STARD13: variants seen among roughly 807,000 people sequenced by gnomAD.
STARD13 encodes the protein stAR-related lipid transfer protein 13.
A neutral mutation model predicts 106.4 loss-of-function variants in STARD13; 62 were observed. The observed-to-expected ratio is 0.58, with a 90% CI of 0.48 to 0.72. STARD13 has a LOEUF of 0.72. Ranked by LOEUF, STARD13 falls within the 30% of genes least tolerant of loss-of-function variation. STARD13 has a pLI of 0.00. For synonymous variants in STARD13, 565 were observed against 553.0 expected, an observed-to-expected ratio of 1.02 and a Z score of -0.31; for missense variants, 1,387 against 1,424.0, an observed-to-expected ratio of 0.97 and a Z score of 0.42.
chr13:33,647,202 T>G, the STARD13 span, among the ~76,000 whole-genome samples: 4 of 152,216 alleles, frequency 2.6e-5, no homozygotes, highest in African/African-American at 4.8e-5. Flanking sequence ...GTGAACGGAT[T>G]TGATGTCCTT....
the STARD13 span, among the ~76,000 whole-genome samples, chr13:33,429,259 A>C: frequency 6.6e-6 from 1 of 152,186 alleles, no homozygotes; most frequent in Non-Finnish European, 1.5e-5. Context: ...AATAGCTAAA[A>C]TTTGGAAGCA....
chr13:33,427,220 T>C, the STARD13 span, among the ~76,000 whole-genome samples: 1 of 152,220 alleles, frequency 6.6e-6, no homozygotes, highest in Admixed American at 6.5e-5. Flanking sequence ...GGGTGCCTTG[T>C]CTTAATCACA....
chr13:33,429,368 G>A, the STARD13 span, among the ~76,000 whole-genome samples: 3 of 152,100 alleles, frequency 2.0e-5, no homozygotes, highest in East Asian at 1.9e-4. Flanking sequence ...AGGCCGAGGC[G>A]GGCGGATCAC....
upstream of STARD13, among the ~76,000 whole-genome samples, chr13:33,351,306 C>A (rs576722885): frequency 1.3e-5 from 2 of 151,926 alleles, no homozygotes; most frequent in Non-Finnish European, 2.9e-5. Flanking sequence ...GAAAGAAGTA[C>A]GTATTATGAA....
At chr13:33,350,245 C>A (rs914232357) in intron 1 of STARD13, 101 of 1,500,434 alleles carry the variant, frequency 6.7e-5, no homozygotes, top group Non-Finnish European at 8.0e-5. Flanking sequence ...ACGGGGCCGG[C>A]GCCTCCCCCG....
the STARD13 span, among the ~76,000 whole-genome samples, chr13:33,415,090 C>T: frequency 6.6e-5 from 10 of 152,256 alleles, no homozygotes; most frequent in Non-Finnish European, 1.2e-4. Context: ...TACCTGTCGC[C>T]GGGCATGGTG....
chr13:33,288,086 CG>C (rs1202696054), upstream of STARD13, among the ~76,000 whole-genome samples: 7 of 151,644 alleles, frequency 4.6e-5, no homozygotes, highest in Non-Finnish European at 1.0e-4. Flanking sequence ...TGTGTCAAGG[CG>C]AGGTTACTAG....
chr13:33,158,367 ACTAT>A (rs1243374527), intron 3 of STARD13, among the ~76,000 whole-genome samples: 6 of 152,218 alleles, frequency 3.9e-5, no homozygotes, highest in Admixed American at 3.9e-4. Flanking sequence ...TAGGGCATTC[ACTAT>A]CTATCTACTC....
At position 33,129,609 on chromosome 13, in the gene STARD13, G is replaced by A. The variant is rs747224026; in HGVS notation, c.1068C>T (p.Ala356=). The part of the protein sequence containing the change: ...PCLKERKCHE[A]NKRGGMYLED... The stretch of plus-strand genomic sequence containing the variant: ...CCAAGTACATGCCCCCGCGCTTGTT[G>A]GCCTCGTGGCACTTGCGTTCCTTCA... Residue 356 remains alanine (A), a synonymous_variant, in exon 5 of 14, where the codon GCC becomes GCT. Coordinates refer to ENST00000336934, the MANE Select transcript of STARD13 (RefSeq NM_178006.4). 9.3e-6 allele frequency: 15 copies of A among 1,613,850 alleles called. No homozygotes were observed. In the African/African-American group the frequency reaches 1.2e-4, roughly 13 times the overall value.
intron 1 of STARD13, among the ~76,000 whole-genome samples, chr13:33,270,637 C>G (rs934933483): frequency 6.6e-6 from 1 of 152,196 alleles, no homozygotes; most frequent in African/African-American, 2.4e-5. Flanking sequence ...GAACCCAGGC[C>G]TCCCGTACCC....
At chr13:33,614,674 A>G in the STARD13 span, among the ~76,000 whole-genome samples, 2 of 152,244 alleles carry the variant, frequency 1.3e-5, no homozygotes, top group Non-Finnish European at 2.9e-5. Flanking sequence ...AGGCCAGACA[A>G]TCTGACAAGG....
the STARD13 span, among the ~76,000 whole-genome samples, chr13:33,443,888 CAAAAAAAAAAA>C: frequency 2.0e-5 from 1 of 50,188 alleles, no homozygotes; most frequent in African/African-American, 6.2e-5. Context: ...GACTCAGTCT[CAAAAAAAAAAA>C]AAAAAAAAAA....
the STARD13 span, among the ~76,000 whole-genome samples, chr13:33,583,759 A>G: frequency 6.6e-6 from 1 of 152,344 alleles, no homozygotes; most frequent in East Asian, 1.9e-4. Flanking sequence ...GTACCCAAAC[A>G]GAAAGAATCT....
At chr13:33,466,582 C>A in the STARD13 span, among the ~76,000 whole-genome samples, 8 of 152,218 alleles carry the variant, frequency 5.3e-5, no homozygotes, top group Non-Finnish European at 1.2e-4. Context: ...GACTTACATC[C>A]TCAATATTAC....
chr13:33,420,140 T>A, the STARD13 span, among the ~76,000 whole-genome samples: 23,758 of 152,098 alleles, frequency 0.16, 4,436 homozygotes, highest in African/African-American at 0.44. Context: ...AACTGCCCCA[T>A]TTAAAAGACA....
chr13:33,230,617 C>T (rs1594137695), intron 1 of STARD13, among the ~76,000 whole-genome samples: 1 of 152,340 alleles, frequency 6.6e-6, no homozygotes, highest in Non-Finnish European at 1.5e-5. Flanking sequence ...TTCTGATGCA[C>T]AAGAATTCTC....
In STARD13 at chr13:33,118,222, A is replaced by G; in HGVS notation, c.2124T>C (p.His708=). ...AGTTTTCATTCATTTGGCGAAGGGC[A>G]TGGATTCGAGACTTCACTCCTGATT... ...FRKSGVKSRI[H]ALRQMNENFP... Residue 708 remains histidine, a synonymous_variant, in exon 8 of 14, where the codon CAT becomes CAC. Transcript: ENST00000336934. The G allele has an allele frequency of 6.2e-7, 1 of 1,614,206 alleles. No homozygotes were observed. The highest frequency in any genetic ancestry group is 8.5e-7 in the Non-Finnish European group (1 of 1,180,038).
At chr13:33,180,508 G>A (rs1325277482) in intron 1 of STARD13, 2 of 152,184 alleles carry the variant, frequency 1.3e-5, no homozygotes, top group Non-Finnish European at 2.9e-5. Flanking sequence ...TCCATGTTAT[G>A]AGAAAAAATC....
chr13:33,649,068 C>T, the STARD13 span, among the ~76,000 whole-genome samples: 1 of 152,142 alleles, frequency 6.6e-6, no homozygotes, highest in Admixed American at 6.5e-5. Flanking sequence ...GCTGGGATTA[C>T]AGGCATGAGC....
Sources: allele counts gnomAD v4.1 joint callset (sites outside exome capture counted in the v4.1 genomes callset), GRCh38; gene constraint gnomAD v4.1.1; transcripts MANE v1.5; gene names NCBI Gene and HGNC (gene_info 2026-07-23, HGNC 2026-07-21).